The following PAK4 variants were observed in gnomAD, a reference collection of about 807,000 sequenced individuals.
PAK4 encodes p21 (RAC1) activated kinase 4.
PAK4 carries 49 observed loss-of-function variants against 53.5 expected under a neutral mutation model. That is an observed-to-expected ratio of 0.92 (90% CI 0.73 to 1.16). The LOEUF (loss-of-function observed/expected upper bound fraction) is 1.16. Among genes scored for constraint, PAK4 ranks in the 50% most tolerant of loss-of-function variants. PAK4 has a pLI of 0.00. For missense variants in PAK4, 824 were observed against 850.7 expected, an observed-to-expected ratio of 0.97 and a Z score of 0.39; for synonymous variants, 376 against 375.6, an observed-to-expected ratio of 1.00 and a Z score of -0.01.
intron 1 of PAK4, among the ~76,000 whole-genome samples, chr19:39,133,947 G>T (rs1006911360): frequency 6.6e-6 from 1 of 152,110 alleles, no homozygotes; most frequent in Non-Finnish European, 1.5e-5. Flanking sequence ...TGGCCATGGG[G>T]AGAAAGTAGG....
At chr19:39,150,422 G>A (rs868019281) in intron 1 of PAK4, among the ~76,000 whole-genome samples, 1 of 152,116 alleles carries the variant, frequency 6.6e-6, no homozygotes, top group African/African-American at 2.4e-5. Context: ...ACTCATCAGC[G>A]AGCATTGCCT....
Position 39,135,742 on chromosome 19 carries a change from C to T in PAK4, c.-23+9823C>T, listed in dbSNP as rs574709151. Among the ~76,000 whole-genome samples, 22 of 152,116 alleles carry T rather than the reference C, an allele frequency of 1.4e-4. No individual in the cohort carries two copies. In the South Asian group the frequency reaches 4.4e-3, roughly 30 times the overall value. On this transcript the variant is annotated intron_variant, in intron 1 of 8. Coordinates refer to ENST00000358301, the Ensembl canonical transcript of PAK4. ...CTCAGTCCAGTGGGAACACAGACCT[C>T]GACTGCAGAGCAACAGAAAGATAAG...
At chr19:39,162,514 C>T (rs1475962851) in intron 1 of PAK4, among the ~76,000 whole-genome samples, 19 of 152,262 alleles carry the variant, frequency 1.2e-4, no homozygotes, top group East Asian at 1.9e-4. Flanking sequence ...GCGATCCTCC[C>T]TCCTTGGCCT....
chr19:39,164,634 C>G (rs1395295243), intron 1 of PAK4, among the ~76,000 whole-genome samples: 1 of 152,028 alleles, frequency 6.6e-6, no homozygotes, highest in Non-Finnish European at 1.5e-5. Context: ...CACGAGGAGG[C>G]ATTTTGGGGG....
intron 1 of PAK4, among the ~76,000 whole-genome samples, chr19:39,126,952 C>T (rs1486025638): frequency 6.6e-6 from 1 of 152,134 alleles, no homozygotes; most frequent in East Asian, 1.9e-4. Context: ...CCCTGGTCGC[C>T]ACATTGTCCG....
At chr19:39,142,201 A>T (rs530706110) in intron 1 of PAK4, among the ~76,000 whole-genome samples, 12 of 152,200 alleles carry the variant, frequency 7.9e-5, no homozygotes, top group African/African-American at 2.6e-4. Flanking sequence ...GACCTAGGCC[A>T]TTTGTCCTGG....
intron 1 of PAK4, among the ~76,000 whole-genome samples, chr19:39,162,803 T>C (rs2074306333): frequency 6.6e-6 from 1 of 152,160 alleles, no homozygotes; most frequent in East Asian, 1.9e-4. Flanking sequence ...TTGGTAGACA[T>C]GGACGGGTGC....
intron 1 of PAK4, among the ~76,000 whole-genome samples, chr19:39,165,678 C>T (rs1353715980): frequency 6.6e-6 from 1 of 152,204 alleles, no homozygotes; most frequent in East Asian, 1.9e-4. Context: ...GGCTGCTTCT[C>T]ATGTCTGCCT....
At chr19:39,172,296 TCAGACCA>T (rs2074496583) in intron 2 of PAK4, among the ~76,000 whole-genome samples, 1 of 152,082 alleles carries the variant, frequency 6.6e-6, no homozygotes. Context: ...AGGACACGAC[TCAGACCA>T]CAGAGGGTGG....
chr19:39,156,159 G>A (rs945571177), intron 1 of PAK4, among the ~76,000 whole-genome samples: 9 of 152,316 alleles, frequency 5.9e-5, no homozygotes, highest in East Asian at 1.9e-4. Context: ...GGTGAGGGGG[G>A]CAGAGTGGCC....
intron 1 of PAK4, among the ~76,000 whole-genome samples, chr19:39,141,188 G>A (rs376725586): frequency 5.3e-5 from 8 of 152,152 alleles, no homozygotes; most frequent in African/African-American, 1.7e-4. Flanking sequence ...AGGCCTTGTC[G>A]CCTGTGCCTG....
chr19:39,168,784 T>G (rs2074421759), intron 1 of PAK4: 1 of 152,310 alleles, frequency 6.6e-6, no homozygotes, highest in South Asian at 2.1e-4. Flanking sequence ...CAAGGCTGCC[T>G]GGGGTGCCCT....
chr19:39,178,781 G>C lies in PAK4; in HGVS notation c.*202G>C. The C allele has an allele frequency of 4.0e-6, 2 of 500,048 alleles. No homozygotes were observed. Among genetic ancestry groups the C allele is most frequent in the South Asian group, 6.3e-5 (2 of 31,516 alleles). 31.0% of individuals were successfully genotyped at this position (500,048 alleles called of 1,614,324 possible). A position where few individuals can be genotyped will look rare whatever the true frequency, so the allele number is the denominator to read the frequency against. ...CTTTTAGAAAAACACAGGGACTCGTGGGAGCAAGCGAGGCTCCCAGGACCC... is the reference window on the plus strand; with the variant it reads ...CTTTTAGAAAAACACAGGGACTCGTCGGAGCAAGCGAGGCTCCCAGGACCC... On this transcript the variant is annotated 3_prime_UTR_variant, in exon 9 of 9. Transcript: ENST00000358301. The surrounding 1 kb of genome is among the most constrained non-coding windows in gnomAD (Gnocchi z 4.4).
rs2074574842 is a variant in PAK4 at position 39,175,076 on chromosome 19, G to A, written c.1232+12G>A. 1.3e-6 allele frequency: 2 copies of A among 1,599,456 alleles called. No individual in the cohort carries two copies. The highest frequency in any genetic ancestry group is 1.3e-5 in the African/African-American group (1 of 74,758). On this transcript the variant is annotated intron_variant, in intron 5 of 8. Coordinates refer to ENST00000358301, the Ensembl canonical transcript of PAK4. The surrounding 1 kb of genome is among the most constrained non-coding windows in gnomAD (Gnocchi z 4.7). ...GTCACCCACACCAGGTATTTCTGGG[G>A]CCTCAGACCCCTCCTGTGACACGAC...
chr19:39,153,689 G>A (rs187897546), intron 1 of PAK4, among the ~76,000 whole-genome samples: 1 of 152,260 alleles, frequency 6.6e-6, no homozygotes, highest in East Asian at 1.9e-4. Flanking sequence ...CGATCCACTC[G>A]CCTTGGCCTC....
In PAK4 at chr19:39,173,038, G is replaced by C. The variant is rs200319983; in HGVS notation, c.325G>C (p.Ala109Pro). The change falls in exon 3 of 9, where the codon GCC (alanine) becomes CCC (proline). Residue 109 changes from alanine to proline, a missense_variant. By Grantham distance (27) the Ala-to-Pro change is conservative (BLOSUM62 -1). Around this residue, in one of 2 missense-constraint regions of PAK4, gnomAD observed 478 missense variants for 435.8 expected, o/e 1.10. Transcript: ENST00000358301. The surrounding 1 kb of genome is among the most constrained non-coding windows in gnomAD (Gnocchi z 6.9). ...GCGGAGAGACAGCCCGCCGCCGCCC[G>C]CCCGTGCCCGCCAGGAAAATGGGAT... is the stretch of plus-strand genomic sequence containing the variant. 1 of 1,548,920 alleles carries C rather than the reference G, an allele frequency of 6.5e-7. No homozygotes were observed. Among genetic ancestry groups the C allele is most frequent in the South Asian group, 1.2e-5 (1 of 83,990 alleles).
intron 1 of PAK4, among the ~76,000 whole-genome samples, chr19:39,159,761 C>G (rs1313367190): frequency 6.6e-6 from 1 of 152,146 alleles, no homozygotes; most frequent in Non-Finnish European, 1.5e-5. Flanking sequence ...TCTTCAGGAC[C>G]CAGGCTAAGG....
chr19:39,177,740 C>T lies in PAK4; in HGVS notation c.1551C>T (p.Asn517=), dbSNP rs375810830. Residue 517 remains asparagine (N), a synonymous_variant, in exon 8 of 9, where the codon AAC becomes AAT. Coordinates refer to ENST00000358301, the Ensembl canonical transcript of PAK4. ...TGGACGGAGAGCCCCCCTACTTCAA[C>T]GAGCCACCCCTCAAAGCCATGAAGA... The T allele has an allele frequency of 3.7e-6, 6 of 1,613,672 alleles. No individual in the cohort carries two copies. In the Admixed American group the frequency reaches 5.0e-5, roughly 13 times the overall value.
downstream of PAK4, chr19:39,182,416 G>C (rs2074707865): frequency 6.6e-6 from 1 of 152,220 alleles, no homozygotes; most frequent in African/African-American, 2.4e-5. Flanking sequence ...TCTTTCATTA[G>C]ATTTGCTGGG....
Sources: gnomAD v4.1 joint callset for allele counts (sites outside exome capture counted in the v4.1 genomes callset) on GRCh38, gnomAD v4.1.1 for gene constraint, gnomAD v4.1.1 regional missense constraint, Gnocchi (gnomAD v3.1) non-coding constraint, MANE v1.5 for transcripts, NCBI Gene and HGNC (gene_info 2026-07-23, HGNC 2026-07-21) for gene names.